HSPA12A: variants seen among roughly 807,000 people sequenced by gnomAD.
HSPA12A encodes heat shock protein family A (Hsp70) member 12A, also known as heat shock 70 kDa protein 12A.
Under a neutral mutation model 69.2 loss-of-function variants are expected in HSPA12A, and 28 were observed. That is an observed-to-expected ratio of 0.40 (90% CI 0.30 to 0.55). The LOEUF is 0.55. Ranked by LOEUF, HSPA12A falls within the 20% of genes least tolerant of loss-of-function variation. HSPA12A has a pLI of 0.38. For synonymous variants in HSPA12A, 345 were observed against 370.5 expected, an observed-to-expected ratio of 0.93 and a Z score of 0.79; for missense variants, 686 against 900.7, an observed-to-expected ratio of 0.76 and a Z score of 3.05.
chr10:116,781,478 T>C (rs1241071343), intron 2 of HSPA12A, among the ~76,000 whole-genome samples: 1 of 152,044 alleles, frequency 6.6e-6, no homozygotes, highest in Non-Finnish European at 1.5e-5. Context: ...CTTGTCTCAA[T>C]GAAATGTTGC....
At chr10:116,843,624 C>T (rs1350725835) in intron 1 of HSPA12A, among the ~76,000 whole-genome samples, 1 of 152,198 alleles carries the variant, frequency 6.6e-6, no homozygotes. Context: ...ATTTCCTAGG[C>T]CTTGTTGGCT....
chr10:116,687,780 G>T (rs1181971030), intron 6 of HSPA12A, among the ~76,000 whole-genome samples: 1 of 152,158 alleles, frequency 6.6e-6, no homozygotes, highest in East Asian at 1.9e-4. Flanking sequence ...TGCTAATTCT[G>T]CCTTCAGAGA....
At chr10:116,705,957 C>G (rs1386219488) in intron 2 of HSPA12A, among the ~76,000 whole-genome samples, 3 of 149,456 alleles carry the variant, frequency 2.0e-5, no homozygotes, top group Non-Finnish European at 4.4e-5. Flanking sequence ...GCGCAGTGGC[C>G]CAATCTCGGC....
At chr10:116,762,850 A>G (rs973688064) in intron 2 of HSPA12A, among the ~76,000 whole-genome samples, 6 of 152,196 alleles carry the variant, frequency 3.9e-5, no homozygotes, top group East Asian at 1.9e-4. Flanking sequence ...TGCTGGGATT[A>G]CAGGCATGAG....
At chr10:116,780,895 C>G (rs2133134974) in intron 2 of HSPA12A, among the ~76,000 whole-genome samples, 1 of 152,280 alleles carries the variant, frequency 6.6e-6, no homozygotes, top group African/African-American at 2.4e-5. Context: ...GAAAGTAATG[C>G]TACATTTCAG....
chr10:116,819,825 T>C (rs991256632), intron 2 of HSPA12A, among the ~76,000 whole-genome samples: 1 of 152,144 alleles, frequency 6.6e-6, no homozygotes, highest in African/African-American at 2.4e-5. Context: ...AAACAACTTA[T>C]AGGATTTTTT....
chr10:116,671,646 A>AGTT lies in HSPA12A; in HGVS notation c.*3132_*3134dup, dbSNP rs1458775168. 6.6e-6 allele frequency: 1 copy of AGTT among 152,602 alleles called. No homozygotes were observed. Among genetic ancestry groups the AGTT allele is most frequent in the Non-Finnish European group, 1.5e-5 (1 of 68,036 alleles). 9.5% of individuals were successfully genotyped at this position (152,602 alleles called of 1,614,324 possible). On this transcript the variant is annotated 3_prime_UTR_variant, in exon 12 of 12. Transcript: ENST00000369209. ...GACTCAGCCATCATTTTGCAAAAAC[A>AGTT]GTTGTATGGTTCCTCCTCTTTCCCC...
chr10:116,816,107 G>A (rs184997722), intron 2 of HSPA12A, among the ~76,000 whole-genome samples: 13 of 152,292 alleles, frequency 8.5e-5, no homozygotes, highest in East Asian at 3.9e-4. Flanking sequence ...AAAGGAACTC[G>A]CATGCTGGCC....
At chr10:116,696,637 C>T (rs549436232) in intron 5 of HSPA12A, among the ~76,000 whole-genome samples, 2 of 152,234 alleles carry the variant, frequency 1.3e-5, no homozygotes, top group African/African-American at 4.8e-5. Flanking sequence ...ACTACTATCC[C>T]GGTGGCCACG....
chr10:116,674,573 C>A lies in HSPA12A; in HGVS notation c.*208G>T, dbSNP rs1849169529. Reference sequence around the variant, plus strand: ...CTCCAGGATCCTTTAATTTTCTATGCCTAAACCTTAATCTTAATTTCTGTT... The same window carrying A: ...CTCCAGGATCCTTTAATTTTCTATGACTAAACCTTAATCTTAATTTCTGTT... On this transcript the variant is annotated 3_prime_UTR_variant, in exon 12 of 12. Coordinates refer to ENST00000369209, the MANE Select transcript of HSPA12A (RefSeq NM_025015.3). The A allele has an allele frequency of 1.6e-6, 1 of 607,382 alleles. No individual in the cohort carries two copies. The allele number at this position is 607,382 out of a possible 1,614,324, so 37.6% of individuals were successfully genotyped here. A position where few individuals can be genotyped will look rare whatever the true frequency, so the allele number is the denominator to read the frequency against.
chr10:116,764,281 G>T (rs1056475446), intron 2 of HSPA12A, among the ~76,000 whole-genome samples: 4 of 152,152 alleles, frequency 2.6e-5, no homozygotes, highest in Admixed American at 1.3e-4. Flanking sequence ...AATGTGAAAG[G>T]TTATTATCGT....
chr10:116,769,898 G>A (rs1183634840), intron 2 of HSPA12A, among the ~76,000 whole-genome samples: 4 of 152,138 alleles, frequency 2.6e-5, no homozygotes, highest in African/African-American at 7.2e-5. Context: ...TGCAGGCCTC[G>A]GCTCCTTGTG....
chr10:116,742,521 C>A lies in HSPA12A; in HGVS notation c.-52G>T, dbSNP rs1206956419. ...GAGCCTCCAGCGCAGCGCCCGTGCC[C>A]GTGCGGGTCTCTGTCCGCGTCCGCG... On this transcript the variant is annotated 5_prime_UTR_variant, in exon 1 of 12. Coordinates refer to ENST00000369209, the MANE Select transcript of HSPA12A (RefSeq NM_025015.3). The A allele has an allele frequency of 8.2e-6, 10 of 1,217,202 alleles. No individual in the cohort carries two copies. Among genetic ancestry groups the A allele is most frequent in the Middle Eastern group, 3.3e-4 (1 of 3,046 alleles). The allele number at this position is 1,217,202 out of a possible 1,614,324, so 75.4% of individuals were successfully genotyped here.
chr10:116,682,775 A>G (rs1311168243), intron 7 of HSPA12A, among the ~76,000 whole-genome samples: 1 of 151,404 alleles, frequency 6.6e-6, no homozygotes, highest in Non-Finnish European at 1.5e-5. Context: ...ATCTCGGCTC[A>G]CTGCAAGCTC....
intron 2 of HSPA12A, among the ~76,000 whole-genome samples, chr10:116,753,591 A>G (rs948831994): frequency 6.6e-6 from 1 of 151,930 alleles, no homozygotes; most frequent in African/African-American, 2.4e-5. Context: ...GCTGCTTCTT[A>G]GTTTGTGATC....
At chr10:116,730,939 G>T (rs782553156) in intron 1 of HSPA12A, among the ~76,000 whole-genome samples, 1 of 152,216 alleles carries the variant, frequency 6.6e-6, no homozygotes, top group Non-Finnish European at 1.5e-5. Flanking sequence ...CCCTCCCAAC[G>T]TTTCCTGGGG....
At chr10:116,694,636 GC>G (rs1243352166) in intron 5 of HSPA12A, among the ~76,000 whole-genome samples, 1 of 151,978 alleles carries the variant, frequency 6.6e-6, no homozygotes, top group Non-Finnish European at 1.5e-5. Flanking sequence ...CCTAAATTTT[GC>G]CCCCGAGCCC....
intron 9 of HSPA12A, among the ~76,000 whole-genome samples, chr10:116,680,750 G>T (rs577537256): frequency 1.1e-4 from 16 of 152,316 alleles, no homozygotes; most frequent in African/African-American, 3.8e-4. Context: ...CTCCCAAAGT[G>T]CTGGGATTAC....
chr10:116,772,239 G>A (rs1044348917), intron 2 of HSPA12A, among the ~76,000 whole-genome samples: 3 of 152,192 alleles, frequency 2.0e-5, no homozygotes, highest in Non-Finnish European at 4.4e-5. Flanking sequence ...AGGGGGTACT[G>A]TGAAGCCATT....
Sources: gnomAD v4.1 joint callset for allele counts (sites outside exome capture counted in the v4.1 genomes callset) on GRCh38, gnomAD v4.1.1 for gene constraint, MANE v1.5 for transcripts, NCBI Gene and HGNC (gene_info 2026-07-23, HGNC 2026-07-21) for gene names.